Variants in F13A1 observed in about 807,000 individuals in gnomAD.
F13A1 encodes the protein coagulation factor XIII A chain.
Under a neutral mutation model 80.1 loss-of-function variants are expected in F13A1, and 47 were observed. That is an observed-to-expected ratio of 0.59 (90% CI 0.46 to 0.75). The LOEUF (loss-of-function observed/expected upper bound fraction) is 0.75. F13A1 is among the 30% of genes least tolerant of loss of function. F13A1 has a pLI of 0.00. For missense variants in F13A1, 817 were observed against 930.4 expected (o/e 0.88, Z 1.59); for synonymous variants, 349 against 344.9 (o/e 1.01, Z -0.13).
chr6:6,312,585 G>A (rs868764774), intron 2 of F13A1, among the ~76,000 whole-genome samples: 3 of 139,232 alleles, frequency 2.2e-5, no homozygotes, highest in Middle Eastern at 3.5e-3. Context: ...GGCTGAGGCA[G>A]GAGAACCGCT....
intron 3 of F13A1, among the ~76,000 whole-genome samples, chr6:6,285,029 T>C (rs1434286640): frequency 1.3e-5 from 2 of 152,188 alleles, no homozygotes; most frequent in East Asian, 3.9e-4. Context: ...AAGACAGAGA[T>C]GGTCAAAAGT....
chr6:6,312,635 G>T (rs1457351087), intron 2 of F13A1, among the ~76,000 whole-genome samples: 1 of 70,764 alleles, frequency 1.4e-5, no homozygotes, highest in African/African-American at 7.9e-5. Context: ...CCGAGATCGC[G>T]CCACTGCACT....
chr6:6,303,722 G>T (rs1380183459), intron 3 of F13A1, among the ~76,000 whole-genome samples: 1 of 152,072 alleles, frequency 6.6e-6, no homozygotes, highest in African/African-American at 2.4e-5. Flanking sequence ...TCCCACTCAA[G>T]AACATGTTTG....
At chr6:6,226,962 A>G (rs1757284710) in intron 6 of F13A1, among the ~76,000 whole-genome samples, 1 of 147,956 alleles carries the variant, frequency 6.8e-6, no homozygotes, top group African/African-American at 2.4e-5. Context: ...ATGACAGGCA[A>G]ACTGGCCAGA....
chr6:6,293,426 G>C (rs751908947), intron 3 of F13A1, among the ~76,000 whole-genome samples: 9 of 152,036 alleles, frequency 5.9e-5, no homozygotes, highest in African/African-American at 1.2e-4. Context: ...ATGATTTGTC[G>C]AGGCTGCAGG....
At chr6:6,198,592 A>C (rs115719634) in intron 8 of F13A1, among the ~76,000 whole-genome samples, 1 of 152,326 alleles carries the variant, frequency 6.6e-6, no homozygotes, top group African/African-American at 2.4e-5. Flanking sequence ...CTATGTACCC[A>C]CTACACACCA....
chr6:6,318,486 C>T (rs1220927697), intron 2 of F13A1, 49 bp downstream of exon 2: 3 of 1,579,744 alleles, frequency 1.9e-6, no homozygotes, highest in Non-Finnish European at 1.7e-6. Context: ...GGGCCAGGGC[C>T]CGGCTGTGCC....
rs770291227 is a variant in F13A1 at position 6,195,841 on chromosome 6, C to G, written c.1261G>C (p.Gly421Arg). 1.2e-6 allele frequency: 2 copies of G among 1,614,180 alleles called. No individual in the cohort carries two copies. Among genetic ancestry groups the G allele is most frequent in the Non-Finnish European group, 1.7e-6 (2 of 1,180,028 alleles). ...GPASVQAIKHGHVCFQFDAPF... is the reference protein window; with the variant it reads ...GPASVQAIKHRHVCFQFDAPF... ...GCATCAAATTGGAAGCAGACATGGC[C>G]GTGCTTGATGGCTTGAACCGAGGCG... Residue 421 changes from glycine (G) to arginine (R), a missense_variant, in exon 10 of 15, where the codon GGC (glycine) becomes CGC (arginine). By Grantham distance (125) the Gly-to-Arg change is moderately radical (BLOSUM62 -2). Transcript: ENST00000264870.
chr6:6,225,309 T>C (rs144558615), intron 6 of F13A1, among the ~76,000 whole-genome samples: 1 of 152,224 alleles, frequency 6.6e-6, no homozygotes, highest in East Asian at 1.9e-4. Context: ...TCTAATGGAT[T>C]TTGACTTTCA....
intron 1 of F13A1, among the ~76,000 whole-genome samples, chr6:6,320,036 AGG>A (rs1330328685): frequency 6.6e-6 from 1 of 152,086 alleles, no homozygotes; most frequent in African/African-American, 2.4e-5. Flanking sequence ...AAGGGGGAGA[AGG>A]GGGGAGCCCC....
intron 10 of F13A1, among the ~76,000 whole-genome samples, chr6:6,189,956 T>A (rs1199203930): frequency 1.3e-5 from 2 of 152,122 alleles, no homozygotes; most frequent in Non-Finnish European, 2.9e-5. Context: ...CTTCCCATCT[T>A]GCTTCATTTC....
intron 8 of F13A1, among the ~76,000 whole-genome samples, chr6:6,205,764 A>T (rs1368697605): frequency 6.6e-6 from 1 of 151,986 alleles, no homozygotes; most frequent in East Asian, 1.9e-4. Context: ...AGGGAATGAA[A>T]CCAAATTTGG....
chr6:6,174,833 G>A lies in F13A1; in HGVS notation c.1494C>T (p.Ala498=). The A allele has an allele frequency of 6.2e-7, 1 of 1,614,128 alleles. No individual in the cohort carries two copies. The highest frequency in any genetic ancestry group is 8.5e-7 in the Non-Finnish European group (1 of 1,180,028). Residue 498 remains alanine, a synonymous_variant, in exon 12 of 15, where the codon GCC becomes GCT. Coordinates refer to ENST00000264870, the MANE Select transcript of F13A1 (RefSeq NM_000129.4). ...QEEERLALET[A]LMYGAKKPLN... ...GGGGCTTTTTAGCTCCGTACATCAG[G>A]GCAGTTTCTAGGGCCAATCTCTCTT...
intron 10 of F13A1, among the ~76,000 whole-genome samples, chr6:6,182,787 G>A (rs1270862161): frequency 3.9e-5 from 6 of 152,148 alleles, no homozygotes; most frequent in African/African-American, 9.7e-5. Flanking sequence ...GGCTAAGCCC[G>A]CATCAGGACC....
At chr6:6,272,148 C>G (rs927518057) in intron 3 of F13A1, among the ~76,000 whole-genome samples, 1 of 152,156 alleles carries the variant, frequency 6.6e-6, no homozygotes, top group African/African-American at 2.4e-5. Context: ...CACGCAAAGC[C>G]CTGCATTGGT....
chr6:6,314,262 G>A (rs1035943337), intron 2 of F13A1, among the ~76,000 whole-genome samples: 4 of 152,046 alleles, frequency 2.6e-5, no homozygotes, highest in Admixed American at 6.5e-5. Flanking sequence ...TTACAAGCAT[G>A]AGCCACCGTG....
At chr6:6,197,369 C>A (rs769284564) in intron 8 of F13A1, 43 bp from the exon 9 acceptor site, 96 of 1,564,108 alleles carry the variant, frequency 6.1e-5, no homozygotes, top group Admixed American at 6.7e-5. Flanking sequence ...TCCCATCACA[C>A]CCAATGCTCC....
chr6:6,167,453 C>T lies in F13A1; in HGVS notation c.1908+5G>A, dbSNP rs1476750128. On this transcript the variant is annotated splice_donor_5th_base_variant and intron_variant, in intron 13 of 14. Transcript: ENST00000264870. Reference sequence around the variant, plus strand: ...TCTGTTCCAGGATGAGACGCTAAGACTGACCTTGATGATGATCTCAGGGAT... The same window carrying T: ...TCTGTTCCAGGATGAGACGCTAAGATTGACCTTGATGATGATCTCAGGGAT... 6.2e-7 allele frequency: 1 copy of T among 1,613,156 alleles called. No individual in the cohort carries two copies. Among genetic ancestry groups the T allele is most frequent in the Non-Finnish European group, 8.5e-7 (1 of 1,179,866 alleles).
chr6:6,285,362 A>T (rs780311446), intron 3 of F13A1, among the ~76,000 whole-genome samples: 2 of 152,268 alleles, frequency 1.3e-5, no homozygotes, highest in Non-Finnish European at 2.9e-5. Context: ...TGAACCAGAC[A>T]TGGGACAAGA....
Sources: gnomAD v4.1 joint callset for allele counts (sites outside exome capture counted in the v4.1 genomes callset) on GRCh38, gnomAD v4.1.1 for gene constraint, MANE v1.5 for transcripts, NCBI Gene and HGNC (gene_info 2026-07-23, HGNC 2026-07-21) for gene names.